ERAP1: variants seen among roughly 807,000 people sequenced by gnomAD.
ERAP1 encodes the protein adipocyte-derived leucine aminopeptidase.
Under a neutral mutation model 103.7 loss-of-function variants are expected in ERAP1, and 86 were observed. The ratio of observed to expected loss-of-function variants is 0.83; its 90% CI spans 0.70 to 0.99. The LOEUF (loss-of-function observed/expected upper bound fraction) is 0.99, where lower values mean the gene tolerates loss of function less well. Ranked by LOEUF, ERAP1 falls within the 50% of genes least tolerant of loss-of-function variation. The pLI is 0.00. For synonymous variants in ERAP1, 398 were observed against 402.4 expected (o/e 0.99, Z 0.13); for missense variants, 1,009 against 1,128.4 (o/e 0.89, Z 1.52).
the ERAP1 span, among the ~76,000 whole-genome samples, chr5:96,824,071 T>C: frequency 0.018 from 2,728 of 152,310 alleles, 74 homozygotes; most frequent in African/African-American, 0.063. Context: ...GCACAAGATT[T>C]TATCACACTA....
At chr5:96,794,999 T>C (rs1390623016) in intron 5 of ERAP1, 43 bp downstream of exon 5, 1 of 1,610,706 alleles carries the variant, frequency 6.2e-7, no homozygotes, top group South Asian at 1.1e-5. Flanking sequence ...TCTATGACTG[T>C]GTTCATCAAA....
chr5:96,776,173 G>A lies in ERAP1; in HGVS notation c.*223C>T. On this transcript the variant is annotated 3_prime_UTR_variant, in exon 19 of 19. Coordinates refer to ENST00000443439, the MANE Select transcript of ERAP1 (RefSeq NM_001040458.3). ...TCTGTGGCAGGGAACCCAACACTTG[G>A]GTTTACGTTGCAGGGCAACACCTGT... 4 of 1,506,124 alleles carry A rather than the reference G, an allele frequency of 2.7e-6. No individual in the cohort carries two copies. The highest frequency in any genetic ancestry group is 3.5e-6 in the Non-Finnish European group (4 of 1,127,720). 93.3% of individuals were successfully genotyped at this position (1,506,124 alleles called of 1,614,324 possible).
intron 19 of ERAP1, among the ~76,000 whole-genome samples, chr5:96,765,783 G>A (rs1189730158): frequency 6.6e-6 from 1 of 151,172 alleles, no homozygotes; most frequent in Non-Finnish European, 1.5e-5. Context: ...GGTTTCTGAA[G>A]ATAATTATTT....
chr5:96,905,092 A>C, the ERAP1 span, among the ~76,000 whole-genome samples: 2 of 152,222 alleles, frequency 1.3e-5, no homozygotes. Flanking sequence ...ATAAAGCAGT[A>C]AGTGCAGTAC....
chr5:96,771,760 T>C, downstream of ERAP1: 2 of 1,089,466 alleles, frequency 1.8e-6, no homozygotes, highest in Admixed American at 3.6e-5. Context: ...AATTTATGTG[T>C]TATAGATGAG....
chr5:96,784,191 T>C lies in ERAP1; in HGVS notation c.1944-111A>G, dbSNP rs976009706. 23 of 1,199,938 alleles carry C rather than the reference T, an allele frequency of 1.9e-5. No individual in the cohort carries two copies. The East Asian group carries it at 5.6e-4, about 29-fold the overall frequency. The allele number at this position is 1,199,938 out of a possible 1,614,324, so 74.3% of individuals were successfully genotyped here. ...CAAAACAAGCAATCAGATATAAATG[T>C]CCCTTATAAATAGATAACTACGGCC... On this transcript the variant is annotated intron_variant, in intron 13 of 18. Transcript: ENST00000443439.
the ERAP1 span, among the ~76,000 whole-genome samples, chr5:96,839,228 A>T: frequency 6.6e-6 from 1 of 152,222 alleles, no homozygotes; most frequent in African/African-American, 2.4e-5. Context: ...ATCTGCCTCA[A>T]GCTTCAGATA....
the ERAP1 span, among the ~76,000 whole-genome samples, chr5:96,907,895 AT>A: frequency 1.3e-3 from 178 of 139,078 alleles, 1 homozygote; most frequent in South Asian, 0.036. Context: ...AAAAAAAAAA[AT>A]ATATATATAT....
At chr5:96,896,625 C>G in the ERAP1 span, 1 of 1,434,048 alleles carries the variant, frequency 7.0e-7, no homozygotes, top group Non-Finnish European at 9.3e-7. Flanking sequence ...TATTTGTTCA[C>G]TTTTCAGACA....
chr5:96,932,075 T>G, the ERAP1 span, among the ~76,000 whole-genome samples: 7 of 152,228 alleles, frequency 4.6e-5, no homozygotes, highest in Non-Finnish European at 2.9e-5. Context: ...TACTTGAACT[T>G]TATTAGATAA....
the ERAP1 span, among the ~76,000 whole-genome samples, chr5:96,851,043 C>T: frequency 2.6e-5 from 4 of 152,130 alleles, no homozygotes; most frequent in Non-Finnish European, 4.4e-5. Context: ...ATTTTTCTTT[C>T]GGCTTCCTCA....
At position 96,787,266 on chromosome 5, in the gene ERAP1, TTTTG is replaced by T. The variant is rs749824282; in HGVS notation, c.1680-721_1680-718del. Reference sequence around the variant, plus strand: ...GGTTATATAACTGAATGTTCTTGTTTTTTGTTTGTTTGTTTTGAGATGGAGTTTC... The same window carrying T: ...GGTTATATAACTGAATGTTCTTGTTTTTTGTTTGTTTTGAGATGGAGTTTC... On this transcript the variant is annotated intron_variant, in intron 11 of 18. Coordinates refer to ENST00000443439, the MANE Select transcript of ERAP1 (RefSeq NM_001040458.3). Among the ~76,000 whole-genome samples the T allele has an allele frequency of 1.0e-3, 159 of 152,258 alleles. 1 individual carries two copies. The highest frequency in any genetic ancestry group is 0.01 in the Middle Eastern group (3 of 294).
chr5:96,805,359 A>T (rs74854497), intron 1 of ERAP1, among the ~76,000 whole-genome samples: 48,655 of 108,864 alleles, frequency 0.45, 8,297 homozygotes, highest in African/African-American at 0.58. Flanking sequence ...TTTTTTTTTA[A>T]AAAAAAAAAA....
chr5:96,876,569 A>AT, the ERAP1 span: 7 of 152,260 alleles, frequency 4.6e-5, no homozygotes, highest in Non-Finnish European at 7.4e-5. Flanking sequence ...TTAAAATTAG[A>AT]TTTTTTCAAT....
chr5:96,918,288 T>A, the ERAP1 span: 1 of 152,336 alleles, frequency 6.6e-6, no homozygotes, highest in Non-Finnish European at 1.5e-5. Context: ...GCTTCTTTAA[T>A]TTTTTTAACC....
At chr5:96,786,054 T>G in intron 12 of ERAP1, 83 bp from the exon 13 acceptor site, 2 of 1,354,430 alleles carry the variant, frequency 1.5e-6, no homozygotes, top group Non-Finnish European at 2.1e-6. Context: ...GGCAAGGAAA[T>G]TAGAGAAGAG....
chr5:96,908,976 C>T, the ERAP1 span: 2 of 1,613,862 alleles, frequency 1.2e-6, no homozygotes, highest in African/African-American at 1.3e-5. Flanking sequence ...GGAGACTGAC[C>T]CTAGACAAAG....
chr5:96,788,443 G>T, intron 11 of ERAP1, 88 bp downstream of exon 11: 1 of 1,479,828 alleles, frequency 6.8e-7, no homozygotes. Context: ...AGCAATAGTG[G>T]TAAGGGCATT....
the ERAP1 span, among the ~76,000 whole-genome samples, chr5:96,933,254 G>A: frequency 9.7e-6 from 1 of 103,442 alleles, no homozygotes; most frequent in Non-Finnish European, 1.7e-5. Flanking sequence ...GTCTTGCTCT[G>A]TCGCCCAGGC....
Sources: gnomAD v4.1 joint callset for allele counts (sites outside exome capture counted in the v4.1 genomes callset) on GRCh38, gnomAD v4.1.1 for gene constraint, MANE v1.5 for transcripts, NCBI Gene and HGNC (gene_info 2026-07-23, HGNC 2026-07-21) for gene names.